The following TMED3 variants were observed in gnomAD, a reference collection of about 807,000 sequenced individuals.
TMED3 encodes the protein transmembrane p24 trafficking protein 3.
Under a neutral mutation model 15.0 loss-of-function variants are expected in TMED3, and 9 were observed. The observed-to-expected ratio is 0.60, with a 90% confidence interval of 0.36 to 1.04. TMED3 has a LOEUF of 1.04. TMED3 is among the 50% of genes least tolerant of loss of function. The pLI is 0.01. For missense variants in TMED3, 267 were observed against 278.9 expected, an observed-to-expected ratio of 0.96 and a Z score of 0.30; for synonymous variants, 117 against 121.4, an observed-to-expected ratio of 0.96 and a Z score of 0.24.
rs143627963 is a variant in TMED3 at position 79,338,236 on chromosome 15, T to TATC, written c.417+24232_417+24234dup. ...TGGGGTACAAAGGAGATTTCCATTT[T>TATC]ATCTGTGCAGTATTTTTTTCTTTAA... On this transcript the variant is annotated intron_variant, in intron 2 of 2. Transcript: ENST00000424155. Among the ~76,000 whole-genome samples the TATC allele has an allele frequency of 6.5e-3, 984 of 152,370 alleles. 9 individuals carry two copies. The highest frequency in any genetic ancestry group is 0.023 in the African/African-American group (941 of 41,588).
chr15:79,343,684 C>A (rs1232388052), intron 2 of TMED3, among the ~76,000 whole-genome samples: 1 of 152,102 alleles, frequency 6.6e-6, no homozygotes, highest in East Asian at 1.9e-4. Flanking sequence ...TCCAGGCAGA[C>A]ATGACAATGG....
At position 79,343,141 on chromosome 15, in the gene TMED3, T is replaced by C. The variant is rs572212284; in HGVS notation, c.417+29136T>C. Among the ~76,000 whole-genome samples, 8 of 152,122 alleles carry C rather than the reference T, an allele frequency of 5.3e-5. No homozygotes were observed. In the East Asian group the frequency reaches 1.5e-3, roughly 29 times the overall value. ...TGGCAGTGAGAAAGGGGTATAGTGG[T>C]TAAAAAGTGAAGTTCAAGGTACCCA... On this transcript the variant is annotated intron_variant, in intron 2 of 2. Transcript: ENST00000424155.
At chr15:79,343,552 G>A (rs1465938214) in intron 2 of TMED3, among the ~76,000 whole-genome samples, 9 of 152,024 alleles carry the variant, frequency 5.9e-5, no homozygotes, top group Non-Finnish European at 8.8e-5. Flanking sequence ...ATTACAAATC[G>A]GGCTTCTATG....
chr15:79,406,807 A>G (rs561682909), intron 2 of TMED3, among the ~76,000 whole-genome samples: 32 of 152,294 alleles, frequency 2.1e-4, no homozygotes, highest in Admixed American at 1.3e-4. Flanking sequence ...CATTACCGTC[A>G]ATCTCTGAAG....
At chr15:79,410,140 G>A (rs1028465622) in intron 2 of TMED3, among the ~76,000 whole-genome samples, 1 of 152,118 alleles carries the variant, frequency 6.6e-6, no homozygotes, top group Non-Finnish European at 1.5e-5. Flanking sequence ...ATAGGCCTGG[G>A]AGGTTTATAT....
At chr15:79,398,550 G>C (rs56194910) in intron 2 of TMED3, among the ~76,000 whole-genome samples, 52,380 of 148,682 alleles carry the variant, frequency 0.35, 9,815 homozygotes, top group Middle Eastern at 0.52. Flanking sequence ...GCCTGAGAAC[G>C]GGAAGCTGTG....
intron 2 of TMED3, chr15:79,314,710 C>T: frequency 1.1e-5 from 4 of 362,946 alleles, no homozygotes; most frequent in Admixed American, 2.9e-5. Flanking sequence ...GCAAGTAGAG[C>T]CTTAGCAACA....
rs149185489 is a variant in TMED3 at position 79,381,124 on chromosome 15, G to A, written c.418-30276G>A. Among the ~76,000 whole-genome samples, 352 of 152,168 alleles carry A rather than the reference G, an allele frequency of 2.3e-3. 2 individuals are homozygous for A. The highest frequency in any genetic ancestry group is 8.1e-3 in the African/African-American group (335 of 41,518). Reference sequence around the variant, plus strand: ...TTCCCTTCCAAGTCTCTGTGCAAGGGGTATTCTTGCAAAATCTTAGCTTTT... The same window carrying A: ...TTCCCTTCCAAGTCTCTGTGCAAGGAGTATTCTTGCAAAATCTTAGCTTTT... On this transcript the variant is annotated intron_variant, in intron 2 of 2. Transcript: ENST00000424155.
chr15:79,345,687 AAAT>A (rs1285168766), intron 2 of TMED3, among the ~76,000 whole-genome samples: 2 of 152,196 alleles, frequency 1.3e-5, no homozygotes, highest in Non-Finnish European at 2.9e-5. Flanking sequence ...TTGCTGGGTC[AAAT>A]AATATTTCTG....
chr15:79,313,921 C>T lies in TMED3; in HGVS notation c.333C>T (p.His111=), dbSNP rs773718074. ...CFSNEFSTFS[H]KTVYFDFQVG... ...GTAATGAGTTTTCCACCTTCTCTCACAAGACCGTCTACTTTGACTTTCAAG... is the reference window on the plus strand; with the variant it reads ...GTAATGAGTTTTCCACCTTCTCTCATAAGACCGTCTACTTTGACTTTCAAG... Residue 111 remains histidine, a synonymous_variant, in exon 2 of 3, where the codon CAC becomes CAT. Coordinates refer to ENST00000299705, the MANE Select transcript of TMED3 (RefSeq NM_007364.4). 21 of 1,614,120 alleles carry T rather than the reference C, an allele frequency of 1.3e-5. No homozygotes were observed. The Admixed American group carries it at 2.0e-4, about 15-fold the overall frequency.
At chr15:79,351,589 G>T (rs1294668602) in intron 2 of TMED3, among the ~76,000 whole-genome samples, 1 of 152,144 alleles carries the variant, frequency 6.6e-6, no homozygotes, top group Non-Finnish European at 1.5e-5. Flanking sequence ...TGTTGGCGTG[G>T]ATGTGGTCAA....
intron 2 of TMED3, among the ~76,000 whole-genome samples, chr15:79,368,700 AT>A (rs1211069243): frequency 2.0e-5 from 3 of 152,156 alleles, no homozygotes; most frequent in Admixed American, 2.0e-4. Context: ...GAGCACCTCC[AT>A]TTTTTTAAGA....
At chr15:79,330,870 A>G (rs138927510) in intron 2 of TMED3, among the ~76,000 whole-genome samples, 26 of 152,346 alleles carry the variant, frequency 1.7e-4, no homozygotes, top group African/African-American at 5.1e-4. Flanking sequence ...AAGCCCAGAA[A>G]TTAATCTACA....
chr15:79,311,635 C>T (rs2058714863), intron 1 of TMED3, among the ~76,000 whole-genome samples: 1 of 152,170 alleles, frequency 6.6e-6, no homozygotes. Context: ...AGGAGGTAGT[C>T]AGCGCCGCAG....
downstream of TMED3, among the ~76,000 whole-genome samples, chr15:79,327,656 A>C (rs187722599): frequency 1.1e-3 from 170 of 152,324 alleles, no homozygotes; most frequent in African/African-American, 3.8e-3. Flanking sequence ...ACACGCACCC[A>C]AAAAAACACT....
chr15:79,339,654 G>A (rs117851279), intron 2 of TMED3, among the ~76,000 whole-genome samples: 1,936 of 152,208 alleles, frequency 0.013, 83 homozygotes, highest in East Asian at 0.11. Context: ...GCTAGCGGGT[G>A]GTGATGACAG....
chr15:79,397,367 T>C (rs928411833), intron 2 of TMED3, among the ~76,000 whole-genome samples: 2 of 152,204 alleles, frequency 1.3e-5, no homozygotes, highest in African/African-American at 2.4e-5. Flanking sequence ...ATCTGCTTAG[T>C]TGTTTTGAGT....
chr15:79,316,934 A>G (rs913791788), intron 2 of TMED3, among the ~76,000 whole-genome samples: 1 of 152,284 alleles, frequency 6.6e-6, no homozygotes, highest in South Asian at 2.1e-4. Context: ...TTAGATGAGC[A>G]CTAACTGAAG....
intron 2 of TMED3, among the ~76,000 whole-genome samples, chr15:79,367,448 G>A (rs974618549): frequency 1.3e-5 from 2 of 152,158 alleles, no homozygotes; most frequent in African/African-American, 2.4e-5. Flanking sequence ...AATCCTGGCA[G>A]CATCTAACAC....
Sources: gnomAD v4.1 joint callset for allele counts (sites outside exome capture counted in the v4.1 genomes callset) on GRCh38, gnomAD v4.1.1 for gene constraint, MANE v1.5 for transcripts, NCBI Gene and HGNC (gene_info 2026-07-23, HGNC 2026-07-21) for gene names.